The following MZT1 variants were observed in gnomAD, a reference collection of about 807,000 sequenced individuals.
MZT1 encodes mitotic spindle organizing protein 1, also known as mitotic-spindle organizing protein 1.
Under a neutral mutation model 8.5 loss-of-function variants are expected in MZT1, and 8 were observed. That is an observed-to-expected ratio of 0.94 (90% confidence interval 0.55 to 1.70). The LOEUF (loss-of-function observed/expected upper bound fraction) is 1.70, where lower values mean the gene tolerates loss of function less well. MZT1 is among the 40% of genes most tolerant of loss of function. The pLI, the probability that MZT1 is intolerant of heterozygous loss-of-function variation, is 0.00. For synonymous variants in MZT1, 38 were observed against 42.0 expected (o/e 0.90, Z 0.37); for missense variants, 93 against 108.6 (o/e 0.86, Z 0.64).
At chr13:72,716,618 TGA>T in intron 2 of MZT1, among the ~76,000 whole-genome samples, 1 of 152,312 alleles carries the variant, frequency 6.6e-6, no homozygotes, top group South Asian at 2.1e-4. Flanking sequence ...TTCCCCCCAT[TGA>T]CCGTCTCTAT....
In MZT1 at chr13:72,724,752, A is replaced by ATATATATATATATATATGTGTGTGTGTG. The variant is rs1180726488; in HGVS notation, c.79+2771_79+2772insCACACACACACATATATATATATATATA. Among the ~76,000 whole-genome samples the ATATATATATATATATATGTGTGTGTGTG allele has an allele frequency of 3.5e-5, 2 of 56,892 alleles. 1 individual carries two copies. Among genetic ancestry groups the ATATATATATATATATATGTGTGTGTGTG allele is most frequent in the Non-Finnish European group, 7.5e-5 (2 of 26,834 alleles). 37.3% of individuals were successfully genotyped at this position (56,892 alleles called of 152,430 possible). On this transcript the variant is annotated intron_variant, in intron 1 of 2. Coordinates refer to ENST00000377818, the MANE Select transcript of MZT1 (RefSeq NM_001071775.3). ...TATATATATATATACACATATATAT[A>ATATATATATATATATATGTGTGTGTGTG]TGTAAAGTGGTGCTACAGGCCGGGC...
At chr13:72,712,895 C>T (rs528781748) in intron 2 of MZT1, among the ~76,000 whole-genome samples, 1 of 152,270 alleles carries the variant, frequency 6.6e-6, no homozygotes, top group Admixed American at 6.5e-5. Flanking sequence ...GCAGTTGTGG[C>T]AGATGTGTAC....
chr13:72,725,974 T>C lies in MZT1; in HGVS notation c.79+1550A>G, dbSNP rs565017808. On this transcript the variant is annotated intron_variant, in intron 1 of 2. Coordinates refer to ENST00000377818, the MANE Select transcript of MZT1 (RefSeq NM_001071775.3). Reference sequence around the variant, plus strand: ...TTAAGTGTTGATACATCGAAAAGGATAGAAAAATAAGCTGAATATTAAGAG... The same window carrying C: ...TTAAGTGTTGATACATCGAAAAGGACAGAAAAATAAGCTGAATATTAAGAG... 2.0e-5 allele frequency among the ~76,000 whole-genome samples: 3 copies of C among 151,982 alleles called. No individual in the cohort carries two copies. The South Asian group carries it at 6.2e-4, about 32-fold the overall frequency.
At chr13:72,722,593 C>T (rs895865814) in intron 1 of MZT1, among the ~76,000 whole-genome samples, 2 of 152,146 alleles carry the variant, frequency 1.3e-5, no homozygotes, top group African/African-American at 2.4e-5. Context: ...CTTTAGGCCT[C>T]TAGATCAGGC....
chr13:72,724,545 T>C (rs2138019838), intron 1 of MZT1, among the ~76,000 whole-genome samples: 1 of 145,916 alleles, frequency 6.9e-6, no homozygotes, highest in East Asian at 2.1e-4. Flanking sequence ...ACGTGTTTTT[T>C]TTTTTTTTTT....
At chr13:72,711,212 G>C (rs571958719) in intron 2 of MZT1, among the ~76,000 whole-genome samples, 2 of 152,266 alleles carry the variant, frequency 1.3e-5, no homozygotes, top group African/African-American at 4.8e-5. Flanking sequence ...ACAATATGTA[G>C]ATGACTGCTT....
chr13:72,726,492 G>C (rs1490329968), intron 1 of MZT1, among the ~76,000 whole-genome samples: 1 of 152,050 alleles, frequency 6.6e-6, no homozygotes, highest in Non-Finnish European at 1.5e-5. Context: ...GAATTTCATA[G>C]GGTTATCTTT....
rs1240592954 is a variant in MZT1 at position 72,710,020 on chromosome 13, C to T, written c.*302G>A. ...CAGATGTGCACATCTGATAGACAGACTGCTTAGAAAATTAAAGCTATCAGA... is the reference window on the plus strand; with the variant it reads ...CAGATGTGCACATCTGATAGACAGATTGCTTAGAAAATTAAAGCTATCAGA... On this transcript the variant is annotated 3_prime_UTR_variant, in exon 3 of 3. Coordinates refer to ENST00000377818, the MANE Select transcript of MZT1 (RefSeq NM_001071775.3). The T allele has an allele frequency of 8.5e-6, 3 of 352,198 alleles. No individual in the cohort carries two copies. The Admixed American group carries it at 1.4e-4, about 16-fold the overall frequency. 21.8% of individuals were successfully genotyped at this position (352,198 alleles called of 1,614,324 possible).
At chr13:72,721,286 C>T (rs2032591268) in intron 1 of MZT1, among the ~76,000 whole-genome samples, 1 of 152,170 alleles carries the variant, frequency 6.6e-6, no homozygotes, top group Non-Finnish European at 1.5e-5. Flanking sequence ...TAATTATTCC[C>T]CTTATGATTG....
chr13:72,726,488 C>A (rs184398581), intron 1 of MZT1, among the ~76,000 whole-genome samples: 1 of 152,166 alleles, frequency 6.6e-6, no homozygotes, highest in East Asian at 1.9e-4. Context: ...GTGAGAATTT[C>A]ATAGGGTTAT....
Position 72,727,570 on chromosome 13 carries a change from C to T in MZT1, c.33G>A (p.Ala11=). 6.3e-7 allele frequency: 1 copy of T among 1,595,932 alleles called. No individual in the cohort carries two copies. The highest frequency in any genetic ancestry group is 1.3e-5 in the African/African-American group (1 of 74,912). Reference sequence around the variant, plus strand: ...CATTCAGATTCGCCGCCGCGGCCGCCGCCGCCGCCCCAGCACCGCTGCTAC... The same window carrying T: ...CATTCAGATTCGCCGCCGCGGCCGCTGCCGCCGCCCCAGCACCGCTGCTAC... MASSSGAGAA[A]AAAAANLNAV... Residue 11 remains alanine, a synonymous_variant, in exon 1 of 3, where the codon GCG becomes GCA. Transcript: ENST00000377818.
chr13:72,718,076 T>C (rs1414257550), intron 2 of MZT1, among the ~76,000 whole-genome samples: 2 of 152,190 alleles, frequency 1.3e-5, no homozygotes, highest in Non-Finnish European at 2.9e-5. Flanking sequence ...AAAATCTATT[T>C]ACAGTTTGAA....
intron 2 of MZT1, among the ~76,000 whole-genome samples, chr13:72,713,258 A>G (rs2032504873): frequency 1.3e-5 from 2 of 152,198 alleles, no homozygotes; most frequent in Non-Finnish European, 1.5e-5. Flanking sequence ...GTAGCATAGG[A>G]TAAGTATCCC....
chr13:72,712,817 A>T (rs192267659), intron 2 of MZT1, among the ~76,000 whole-genome samples: 3 of 152,346 alleles, frequency 2.0e-5, no homozygotes, highest in Admixed American at 2.0e-4. Context: ...ACTGTAGTAC[A>T]AAACAAAAAT....
chr13:72,710,772 A>C (rs1566211359), intron 2 of MZT1, among the ~76,000 whole-genome samples: 1 of 152,042 alleles, frequency 6.6e-6, no homozygotes, highest in Non-Finnish European at 1.5e-5. Flanking sequence ...ATCTTATCTA[A>C]TCCTGTCTCA....
chr13:72,727,536 C>T lies in MZT1; in HGVS notation c.67G>A (p.Glu23Lys), dbSNP rs755693567. The part of the protein sequence containing the change: ...AAAANLNAVR[E>K]TMDVLLEISR... ...AACGGAAACTCACCGTCCATGGTCT[C>T]CCGCACCGCATTCAGATTCGCCGCC... The change falls in exon 1 of 3, where the codon GAG becomes AAG. Residue 23 changes from glutamate to lysine, a missense_variant. Physicochemically the swap from Glu to Lys is moderately conservative, Grantham distance 56. Transcript: ENST00000377818. 8.0e-5 allele frequency: 129 copies of T among 1,613,312 alleles called. No individual in the cohort carries two copies. The highest frequency in any genetic ancestry group is 1.0e-4 in the Non-Finnish European group (122 of 1,179,730).
chr13:72,713,911 T>A (rs1566212139), intron 2 of MZT1, among the ~76,000 whole-genome samples: 1 of 152,212 alleles, frequency 6.6e-6, no homozygotes, highest in Non-Finnish European at 1.5e-5. Flanking sequence ...CGGTCTGGCA[T>A]GAGAAAAGTA....
In MZT1 at chr13:72,724,752, A is replaced by ATG. The variant is rs1555270950; in HGVS notation, c.79+2770_79+2771dup. ...TATATATATATATACACATATATAT[A>ATG]TGTAAAGTGGTGCTACAGGCCGGGC... is the stretch of plus-strand genomic sequence containing the variant. On this transcript the variant is annotated intron_variant, in intron 1 of 2. Transcript: ENST00000377818. 1.4e-4 allele frequency among the ~76,000 whole-genome samples: 8 copies of ATG among 56,864 alleles called. No homozygotes were observed. In the East Asian group the frequency reaches 2.5e-3, roughly 18 times the overall value. 37.3% of individuals were successfully genotyped at this position (56,864 alleles called of 152,430 possible).
At chr13:72,724,739 T>TATATATATATATAC (rs1555270942) in intron 1 of MZT1, among the ~76,000 whole-genome samples, 1 of 41,380 alleles carries the variant, frequency 2.4e-5, no homozygotes, top group African/African-American at 5.3e-5. Flanking sequence ...TATATATATA[T>TATATATATATATAC]ACACATATAT....
Sources: gnomAD v4.1 joint callset for allele counts (sites outside exome capture counted in the v4.1 genomes callset) on GRCh38, gnomAD v4.1.1 for gene constraint, MANE v1.5 for transcripts, NCBI Gene and HGNC (gene_info 2026-07-23, HGNC 2026-07-21) for gene names.